The following DIP2B variants were observed in gnomAD, a reference collection of about 807,000 sequenced individuals.
DIP2B encodes the protein DIP2 acetate--CoA ligase B (putative).
Under a neutral mutation model 198.0 loss-of-function variants are expected in DIP2B, and 76 were observed. The ratio of observed to expected loss-of-function variants is 0.38; its 90% confidence interval spans 0.32 to 0.46. DIP2B has a LOEUF of 0.46. Among genes scored for constraint, DIP2B ranks in the 20% least tolerant of loss-of-function variants. The pLI is 0.99. For missense variants in DIP2B, 1,559 were observed against 1,978.4 expected, an observed-to-expected ratio of 0.79 and a Z score of 4.02; for synonymous variants, 701 against 739.1, an observed-to-expected ratio of 0.95 and a Z score of 0.84.
chr12:50,529,198 G>A (rs1456222745), intron 1 of DIP2B, among the ~76,000 whole-genome samples: 1 of 152,098 alleles, frequency 6.6e-6, no homozygotes, highest in Non-Finnish European at 1.5e-5. Flanking sequence ...AGGCTGAGGT[G>A]GGAAGATACC....
intron 14 of DIP2B, among the ~76,000 whole-genome samples, chr12:50,694,861 A>AG (rs1939282944): frequency 6.6e-6 from 1 of 152,164 alleles, no homozygotes; most frequent in African/African-American, 2.4e-5. Flanking sequence ...CAGTTCAAAA[A>AG]GAATTATGTA....
At chr12:50,728,708 TGTGTGGGGGTATACTTTGTG>T in intron 30 of DIP2B, 30 bp downstream of exon 30, 1 of 1,610,532 alleles carries the variant, frequency 6.2e-7, no homozygotes, top group Non-Finnish European at 8.5e-7. Context: ...GGAGACAGAA[TGTGTGGGGGTATACTTTGTG>T]GCCATGGCCA....
At chr12:50,541,389 G>C (rs1958324249) in intron 1 of DIP2B, among the ~76,000 whole-genome samples, 2 of 149,226 alleles carry the variant, frequency 1.3e-5, no homozygotes, top group African/African-American at 4.9e-5. Flanking sequence ...TGGAATCCAA[G>C]GACAAAGAAC....
chr12:50,593,685 A>C (rs1958839186), intron 1 of DIP2B, among the ~76,000 whole-genome samples: 1 of 115,318 alleles, frequency 8.7e-6, no homozygotes, highest in Non-Finnish European at 1.7e-5. Context: ...CTAGGAATAC[A>C]CTCTTTTCTC....
intron 1 of DIP2B, among the ~76,000 whole-genome samples, chr12:50,560,529 G>A (rs1253781778): frequency 6.6e-6 from 1 of 152,074 alleles, no homozygotes; most frequent in Non-Finnish European, 1.5e-5. Flanking sequence ...ATTCACTCCA[G>A]CCTGGGCAAC....
At chr12:50,578,675 T>G (rs530093575) in intron 1 of DIP2B, among the ~76,000 whole-genome samples, 63 of 151,814 alleles carry the variant, frequency 4.1e-4, no homozygotes, top group Non-Finnish European at 7.7e-4. Flanking sequence ...ACCCGGCTAA[T>G]TTTTTTGTAT....
In DIP2B at chr12:50,731,487, G is replaced by T. The variant is rs1239379747; in HGVS notation, c.3760G>T (p.Val1254Leu). The T allele has an allele frequency of 2.5e-6, 4 of 1,614,174 alleles. No homozygotes were observed. The Admixed American group carries it at 5.0e-5, about 20-fold the overall frequency. ...KIRDTFCSYS[V>L]MELCTKGLGN... ...AAGGGACACTTTCTGCTCCTATTCA[G>T]TGATGGAGCTCTGCACCAAAGGTCT... is the stretch of plus-strand genomic sequence containing the variant. The change falls in exon 31 of 38, where the codon GTG (valine) becomes TTG (leucine). Residue 1254 changes from valine to leucine, a missense_variant. Val to Leu is a conservative substitution (Grantham distance 32). Transcript: ENST00000301180.
At chr12:50,660,168 A>G (rs1262003718) in intron 3 of DIP2B, 26 bp from the exon 4 acceptor site, 1 of 1,591,236 alleles carries the variant, frequency 6.3e-7, no homozygotes, top group Non-Finnish European at 8.6e-7. Context: ...CCGGAAGCTA[A>G]TAAATGCAAA....
chr12:50,519,743 T>A (rs1159605564), intron 1 of DIP2B, among the ~76,000 whole-genome samples: 1 of 151,988 alleles, frequency 6.6e-6, no homozygotes, highest in Non-Finnish European at 1.5e-5. Flanking sequence ...AATGTAAAAA[T>A]TAATGTATAA....
intron 1 of DIP2B, among the ~76,000 whole-genome samples, chr12:50,624,631 C>T (rs1186800042): frequency 6.6e-6 from 1 of 152,118 alleles, no homozygotes; most frequent in Non-Finnish European, 1.5e-5. Flanking sequence ...TGCACCTGGC[C>T]CCTATTTTCA....
At chr12:50,705,312 A>T (rs918753242) in intron 20 of DIP2B, among the ~76,000 whole-genome samples, 8 of 150,772 alleles carry the variant, frequency 5.3e-5, no homozygotes, top group African/African-American at 2.0e-4. Context: ...GAGGACATAG[A>T]TCTAGGAGAA....
intron 1 of DIP2B, among the ~76,000 whole-genome samples, chr12:50,512,005 C>G (rs1156854447): frequency 6.7e-6 from 1 of 149,392 alleles, no homozygotes; most frequent in East Asian, 2.0e-4. Context: ...TCAGCCCAGG[C>G]TGGTCTCAAA....
chr12:50,636,751 G>T (rs1244668751), intron 2 of DIP2B, among the ~76,000 whole-genome samples: 1 of 152,278 alleles, frequency 6.6e-6, no homozygotes, highest in South Asian at 2.1e-4. Flanking sequence ...TTGGACTCCC[G>T]GAGCAGAGCT....
intron 37 of DIP2B, chr12:50,743,495 C>G (rs954328927): frequency 3.9e-5 from 6 of 152,190 alleles, no homozygotes; most frequent in Non-Finnish European, 8.8e-5. Context: ...ATAGGAGACA[C>G]TTGCGTGGGG....
chr12:50,590,219 G>A (rs968435519), intron 1 of DIP2B, among the ~76,000 whole-genome samples: 5 of 151,422 alleles, frequency 3.3e-5, no homozygotes, highest in Non-Finnish European at 7.4e-5. Flanking sequence ...GGCTGATCTC[G>A]AACTCCTGGG....
chr12:50,633,738 C>T (rs1938107048), intron 2 of DIP2B, among the ~76,000 whole-genome samples: 2 of 152,266 alleles, frequency 1.3e-5, no homozygotes, highest in African/African-American at 4.8e-5. Context: ...TGCATGCCAG[C>T]TTGGTTGACA....
chr12:50,696,005 T>G, intron 16 of DIP2B, 38 bp downstream of exon 16: 1 of 1,612,542 alleles, frequency 6.2e-7, no homozygotes, highest in Non-Finnish European at 8.5e-7. Flanking sequence ...GAATATCCTG[T>G]GTTTTGATAG....
At chr12:50,690,258 T>G (rs1939201321) in intron 12 of DIP2B, among the ~76,000 whole-genome samples, 1 of 152,166 alleles carries the variant, frequency 6.6e-6, no homozygotes, top group Admixed American at 6.5e-5. Context: ...GGCTAATTTT[T>G]TGTATTTTTA....
rs748250051 is a variant in DIP2B, at chr12:50,678,751, G to T, written c.989G>T (p.Gly330Val). The change falls in exon 8 of 38, where the codon GGA becomes GTA. Residue 330 changes from glycine to valine, a missense_variant. Transcript: ENST00000301180. ...QMTPVKGEPL[G>V]VICNWPPALE... ...ACCCCTGTGAAAGGAGAGCCTTTAG[G>T]AGTCATCTGTAACTGGCCTCCTGCT... The T allele has an allele frequency of 1.2e-6, 2 of 1,614,184 alleles. No individual in the cohort carries two copies. The highest frequency in any genetic ancestry group is 1.7e-6 in the Non-Finnish European group (2 of 1,180,034).
Sources: gnomAD v4.1 joint callset for allele counts (sites outside exome capture counted in the v4.1 genomes callset) on GRCh38, gnomAD v4.1.1 for gene constraint, MANE v1.5 for transcripts, NCBI Gene and HGNC (gene_info 2026-07-23, HGNC 2026-07-21) for gene names.